The following ADCY2 variants were observed in gnomAD, a reference collection of about 807,000 sequenced individuals.
The protein encoded by ADCY2 is adenylate cyclase 2.
A neutral mutation model predicts 125.2 loss-of-function variants in ADCY2; 31 were observed. The observed-to-expected ratio is 0.25, with a 90% CI of 0.19 to 0.33. The LOEUF (loss-of-function observed/expected upper bound fraction) is 0.33, where lower values mean the gene tolerates loss of function less well. Ranked by LOEUF, ADCY2 falls within the 10% of genes least tolerant of loss-of-function variation. The pLI, the probability that ADCY2 is intolerant of heterozygous loss-of-function variation, is 1.00. For missense variants in ADCY2, 904 were observed against 1,418.2 expected (o/e 0.64, Z 5.82); for synonymous variants, 512 against 548.4 (o/e 0.93, Z 0.93).
intron 4 of ADCY2, among the ~76,000 whole-genome samples, chr5:7,674,922 G>A (rs55857408): frequency 0.3 from 46,283 of 151,990 alleles, 7,693 homozygotes; most frequent in Non-Finnish European, 0.38. Context: ...TTGGGAGGCC[G>A]AGGCGGGCGG....
chr5:7,449,142 G>T (rs1741383859), intron 2 of ADCY2, among the ~76,000 whole-genome samples: 1 of 152,118 alleles, frequency 6.6e-6, no homozygotes, highest in Admixed American at 6.5e-5. Context: ...AGCATCTGTT[G>T]TTTTTTGACT....
intron 3 of ADCY2, among the ~76,000 whole-genome samples, chr5:7,598,630 G>A (rs370895537): frequency 1.3e-5 from 2 of 152,206 alleles, no homozygotes; most frequent in African/African-American, 4.8e-5. Flanking sequence ...AGAATTCGAG[G>A]CAGAGGGCTG....
At chr5:7,487,003 C>T (rs1742958125) in intron 2 of ADCY2, among the ~76,000 whole-genome samples, 1 of 152,204 alleles carries the variant, frequency 6.6e-6, no homozygotes. Flanking sequence ...GCTAAGGTGG[C>T]AGTGTCATGG....
Position 7,729,976 on chromosome 5 carries a change from A to G in ADCY2, c.1871+2715A>G, listed in dbSNP as rs186946684. On this transcript the variant is annotated intron_variant, in intron 14 of 24. Transcript: ENST00000338316. ...TGAAGCCTGAGATTTCAGTGCATTC[A>G]GCACCCAAGTAGTACACATTGTACC... Among the ~76,000 whole-genome samples the G allele has an allele frequency of 6.9e-3, 1,045 of 152,170 alleles. 6 individuals are homozygous for G. The highest frequency in any genetic ancestry group is 0.011 in the Non-Finnish European group (732 of 67,986).
At chr5:7,566,315 GTC>G (rs1262846780) in intron 3 of ADCY2, among the ~76,000 whole-genome samples, 1 of 152,100 alleles carries the variant, frequency 6.6e-6, no homozygotes, top group African/African-American at 2.4e-5. Flanking sequence ...ATGAGATCTT[GTC>G]TCTACAAAAA....
intron 1 of ADCY2, among the ~76,000 whole-genome samples, chr5:7,401,004 T>C (rs559883645): frequency 1.3e-5 from 2 of 152,234 alleles, no homozygotes; most frequent in Admixed American, 6.5e-5. Context: ...TGGAGTGAAA[T>C]GGTTGAGAGC....
At chr5:7,444,754 T>C (rs2126407112) in intron 2 of ADCY2, among the ~76,000 whole-genome samples, 1 of 152,306 alleles carries the variant, frequency 6.6e-6, no homozygotes, top group African/African-American at 2.4e-5. Flanking sequence ...CAGTAGTGCC[T>C]AACAGTGCCT....
At chr5:7,614,086 A>G (rs1341577752) in intron 3 of ADCY2, among the ~76,000 whole-genome samples, 1 of 152,218 alleles carries the variant, frequency 6.6e-6, no homozygotes, top group Non-Finnish European at 1.5e-5. Flanking sequence ...TAATTTACTT[A>G]ATGTTATCCA....
At chr5:7,445,070 T>G (rs7736664) in intron 2 of ADCY2, among the ~76,000 whole-genome samples, 7,533 of 152,298 alleles carry the variant, frequency 0.049, 642 homozygotes, top group African/African-American at 0.17. Context: ...TGTGATGTTT[T>G]GCATACAGAA....
chr5:7,597,758 C>T (rs1282768710), intron 3 of ADCY2, among the ~76,000 whole-genome samples: 1 of 152,194 alleles, frequency 6.6e-6, no homozygotes, highest in East Asian at 1.9e-4. Context: ...GTACTCCAGC[C>T]TGGGTGACAG....
chr5:7,608,110 G>C (rs569006196), intron 3 of ADCY2, among the ~76,000 whole-genome samples: 2 of 152,296 alleles, frequency 1.3e-5, no homozygotes, highest in East Asian at 3.9e-4. Flanking sequence ...AGGCACAAAA[G>C]AATGCTAATT....
At chr5:7,418,069 A>G (rs1740025768) in intron 2 of ADCY2, among the ~76,000 whole-genome samples, 1 of 152,172 alleles carries the variant, frequency 6.6e-6, no homozygotes, top group African/African-American at 2.4e-5. Flanking sequence ...GATCATAAAC[A>G]TGCTTGTATC....
At position 7,416,147 on chromosome 5, in the gene ADCY2, G is replaced by A. The variant is rs1225708773; in HGVS notation, c.408+1377G>A. ...GTGCCTCAGTTGGAAAGAGCCCAGA[G>A]ATGAGCTGGCCAGTGGGTTCTGTTG... is the stretch of plus-strand genomic sequence containing the variant. On this transcript the variant is annotated intron_variant, in intron 2 of 24. Transcript: ENST00000338316. Among the ~76,000 whole-genome samples, 5 of 152,188 alleles carry A rather than the reference G, an allele frequency of 3.3e-5. No individual in the cohort carries two copies. In the East Asian group the frequency reaches 9.6e-4, roughly 29 times the overall value.
chr5:7,826,887 T>G lies in ADCY2; in HGVS notation c.*16T>G. The G allele has an allele frequency of 6.3e-7, 1 of 1,588,214 alleles. No homozygotes were observed. Among genetic ancestry groups the G allele is most frequent in the African/African-American group, 1.4e-5 (1 of 73,904 alleles). On this transcript the variant is annotated 3_prime_UTR_variant, in exon 25 of 25. Transcript: ENST00000338316. ...GGCATCCTGAAGAGTCACCTTCATT[T>G]TGGCAAGAAGACTGTATTTTCAGGA...
At chr5:7,644,899 G>C (rs1326791794) in intron 4 of ADCY2, among the ~76,000 whole-genome samples, 2 of 152,130 alleles carry the variant, frequency 1.3e-5, no homozygotes, top group Non-Finnish European at 2.9e-5. Context: ...CCAAGGCACA[G>C]TTAGTCTCAG....
chr5:7,641,322 C>T (rs1216468950), intron 4 of ADCY2, among the ~76,000 whole-genome samples: 1 of 152,114 alleles, frequency 6.6e-6, no homozygotes, highest in African/African-American at 2.4e-5. Flanking sequence ...ATTTATTGTG[C>T]TAAAACTAGA....
intron 2 of ADCY2, among the ~76,000 whole-genome samples, chr5:7,440,628 T>C (rs1740978136): frequency 6.6e-6 from 1 of 152,132 alleles, no homozygotes; most frequent in South Asian, 2.1e-4. Flanking sequence ...TGTTGCTTTA[T>C]AGGAGGAAAC....
intron 22 of ADCY2, among the ~76,000 whole-genome samples, chr5:7,810,481 T>A (rs996225181): frequency 6.6e-6 from 1 of 152,106 alleles, no homozygotes; most frequent in African/African-American, 2.4e-5. Flanking sequence ...TAGTGGGTTA[T>A]CTACCTGTTT....
chr5:7,652,501 C>A (rs531507696), intron 4 of ADCY2, among the ~76,000 whole-genome samples: 15 of 152,326 alleles, frequency 9.8e-5, no homozygotes, highest in African/African-American at 2.9e-4. Context: ...CTTTCATCTA[C>A]TCTTTAGGGT....
Sources: gnomAD v4.1 joint callset for allele counts (sites outside exome capture counted in the v4.1 genomes callset) on GRCh38, gnomAD v4.1.1 for gene constraint, MANE v1.5 for transcripts, NCBI Gene and HGNC (gene_info 2026-07-23, HGNC 2026-07-21) for gene names.